ZNF845: variants seen among roughly 807,000 people sequenced by gnomAD.
ZNF845 encodes zinc finger protein 845.
In ZNF845, 59 loss-of-function variants were observed where a neutral mutation model predicts 76.1. The ratio of observed to expected loss-of-function variants is 0.78; its 90% CI spans 0.63 to 0.96. The LOEUF (loss-of-function observed/expected upper bound fraction) is 0.96. Ranked by LOEUF, ZNF845 falls within the 40% of genes least tolerant of loss-of-function variation. ZNF845 has a pLI of 0.00. For missense variants in ZNF845, 1,045 were observed against 1,172.8 expected (o/e 0.89, Z 1.59); for synonymous variants, 361 against 386.9 (o/e 0.93, Z 0.78).
chr19:53,351,033 A>G lies in ZNF845; in HGVS notation c.358A>G (p.Thr120Ala). Residue 120 changes from threonine (T) to alanine (A), a missense_variant, in exon 4 of 4, where the codon ACG becomes GCG. Transcript: ENST00000458035. ...ACCCATGACAGAAATCAAACAGTTG[A>G]CGGGTAGTACAAACCGACATGATCA... ...EAPMTEIKQL[T>A]GSTNRHDQRH... 1.2e-6 allele frequency: 2 copies of G among 1,614,190 alleles called. No individual in the cohort carries two copies. The highest frequency in any genetic ancestry group is 1.7e-6 in the Non-Finnish European group (2 of 1,180,024).
chr19:53,339,022 C>T (rs1383585506), intron 1 of ZNF845, among the ~76,000 whole-genome samples: 1 of 152,004 alleles, frequency 6.6e-6, no homozygotes, highest in Non-Finnish European at 1.5e-5. Context: ...ATGGCTCGAA[C>T]CTGGGAGGCA....
At position 53,353,854 on chromosome 19, in the gene ZNF845, T is replaced by C; in HGVS notation, c.*266T>C. The C allele has an allele frequency of 7.7e-7, 1 of 1,291,644 alleles. No homozygotes were observed. The highest frequency in any genetic ancestry group is 1.1e-6 in the Non-Finnish European group (1 of 939,578). The allele number at this position is 1,291,644 out of a possible 1,614,324, so 80.0% of individuals were successfully genotyped here. A position where few individuals can be genotyped will look rare whatever the true frequency, so the allele number is the denominator to read the frequency against. ...GGAAACTTTACTAATGTAATGATTA[T>C]CACAAAGTCTTCAGTAACACTACAA... is the stretch of plus-strand genomic sequence containing the variant. On this transcript the variant is annotated 3_prime_UTR_variant, in exon 4 of 4. Transcript: ENST00000458035.
At position 53,355,663 on chromosome 19, in the gene ZNF845, T is replaced by C. The variant is rs772757492; in HGVS notation, c.*2075T>C. On this transcript the variant is annotated 3_prime_UTR_variant, in exon 4 of 4. Coordinates refer to ENST00000458035, the MANE Select transcript of ZNF845 (RefSeq NM_138374.3). ...TTTATTTCTTTTGCTATTTAATTGC[T>C]CTGCCTAGGACAGCCAGTATTTATT... is the stretch of plus-strand genomic sequence containing the variant. The C allele has an allele frequency of 2.0e-5, 3 of 152,212 alleles. No homozygotes were observed. Among genetic ancestry groups the C allele is most frequent in the Non-Finnish European group, 2.9e-5 (2 of 68,038 alleles). The allele number at this position is 152,212 out of a possible 1,614,324, so 9.4% of individuals were successfully genotyped here.
At chr19:53,346,537 C>T (rs1421674874) in intron 3 of ZNF845, among the ~76,000 whole-genome samples, 2 of 152,158 alleles carry the variant, frequency 1.3e-5, no homozygotes, top group Non-Finnish European at 2.9e-5. Flanking sequence ...AAAAATTAGC[C>T]AGACACGATG....
intron 2 of ZNF845, among the ~76,000 whole-genome samples, chr19:53,342,007 G>C (rs1042979714): frequency 3.3e-5 from 5 of 151,940 alleles, no homozygotes; most frequent in African/African-American, 1.2e-4. Flanking sequence ...GGTGTTTTCA[G>C]GAAAAATGGT....
At chr19:53,341,203 T>C (rs994224955) in intron 1 of ZNF845, 32 bp from the exon 2 acceptor site, 6 of 1,520,646 alleles carry the variant, frequency 3.9e-6, no homozygotes, top group African/African-American at 2.7e-5. Flanking sequence ...GTGTTGATTC[T>C]GAGCAATAAA....
rs767849535 is a variant in ZNF845 at position 53,351,482 on chromosome 19, A to G, written c.807A>G (p.Lys269=). The change falls in exon 4 of 4, where the codon AAA becomes AAG. Residue 269 remains lysine (K), a synonymous_variant. Transcript: ENST00000458035. Reference sequence around the variant, plus strand: ...ATCGTAGATGTCACACTGGCAAGAAACCTTACAAGTGTAATGATTGTGGCA... The same window carrying G: ...ATCGTAGATGTCACACTGGCAAGAAGCCTTACAAGTGTAATGATTGTGGCA... ...ACHRRCHTGK[K]PYKCNDCGKT... The G allele has an allele frequency of 1.9e-6, 3 of 1,614,242 alleles. No homozygotes were observed. The South Asian group carries it at 3.3e-5, about 18-fold the overall frequency.
intron 1 of ZNF845, chr19:53,340,680 T>C (rs2085249816): frequency 1.2e-5 from 3 of 245,344 alleles, no homozygotes; most frequent in Admixed American, 5.5e-5. Flanking sequence ...TTACTCACAA[T>C]GGGTGAAGAA....
chr19:53,340,197 G>C (rs1399945093), intron 1 of ZNF845, among the ~76,000 whole-genome samples: 1 of 152,196 alleles, frequency 6.6e-6, no homozygotes, highest in Non-Finnish European at 1.5e-5. Context: ...GATTACAGGC[G>C]TGTGCTACCA....
chr19:53,334,304 C>A (rs901253886), intron 1 of ZNF845, among the ~76,000 whole-genome samples: 2 of 152,112 alleles, frequency 1.3e-5, no homozygotes, highest in Admixed American at 1.3e-4. Context: ...AAAATGCGCT[C>A]CTCCGGGATG....
Position 53,351,603 on chromosome 19 carries a change from C to G in ZNF845, c.928C>G (p.Arg310Gly), listed in dbSNP as rs372054990. 7.4e-6 allele frequency: 12 copies of G among 1,613,858 alleles called. No individual in the cohort carries two copies. The Admixed American group carries it at 1.7e-4, about 22-fold the overall frequency. Reference sequence around the variant, plus strand: ...CAGTGAGTGTGGCAAGACCTTCAGTCGAAATTCAGCCCTTGTAATTCATAA... The same window carrying G: ...CAGTGAGTGTGGCAAGACCTTCAGTGGAAATTCAGCCCTTGTAATTCATAA... ...KCSECGKTFS[R>G]NSALVIHKAI... The change falls in exon 4 of 4, where the codon CGA becomes GGA. Residue 310 changes from arginine to glycine, a missense_variant. Physicochemically the swap from Arg to Gly is moderately radical, Grantham distance 125. Transcript: ENST00000458035.
intron 3 of ZNF845, 52 bp downstream of exon 3, chr19:53,345,684 A>G (rs2085290307): frequency 6.2e-7 from 1 of 1,602,740 alleles, no homozygotes. Context: ...GTATCTTTGT[A>G]TTTTCTCTTT....
At chr19:53,337,628 G>A (rs2085224785) in intron 1 of ZNF845, among the ~76,000 whole-genome samples, 1 of 151,956 alleles carries the variant, frequency 6.6e-6, no homozygotes, top group Non-Finnish European at 1.5e-5. Flanking sequence ...GAGTGCAGTG[G>A]CGTAATCATG....
chr19:53,341,440 A>T (rs947340547), intron 2 of ZNF845, 118 bp downstream of exon 2: 1 of 1,437,676 alleles, frequency 7.0e-7, no homozygotes, highest in African/African-American at 1.4e-5. Context: ...GCTCGCACTC[A>T]CCCATGCCTT....
At chr19:53,350,665 A>T (rs2085326411) in intron 3 of ZNF845, among the ~76,000 whole-genome samples, 153 bp from the exon 4 acceptor site, 1 of 152,144 alleles carries the variant, frequency 6.6e-6, no homozygotes, top group Admixed American at 6.5e-5. Flanking sequence ...CCCTTTATTT[A>T]TTGATGAATC....
rs1568740543 is a variant in ZNF845 at position 53,351,011 on chromosome 19, C to T, written c.336C>T (p.Pro112=). Residue 112 remains proline, a synonymous_variant, in exon 4 of 4, where the codon CCC becomes CCT. Coordinates refer to ENST00000458035, the MANE Select transcript of ZNF845 (RefSeq NM_138374.3). ...KEDERNSHEA[P]MTEIKQLTGS... ...ATGAAAGAAATAGCCATGAAGCACC[C>T]ATGACAGAAATCAAACAGTTGACGG... 1 of 1,614,064 alleles carries T rather than the reference C, an allele frequency of 6.2e-7. No individual in the cohort carries two copies. Among genetic ancestry groups the T allele is most frequent in the Non-Finnish European group, 8.5e-7 (1 of 1,180,026 alleles).
Position 53,352,817 on chromosome 19 carries a change from T to A in ZNF845, c.2142T>A (p.Thr714=), listed in dbSNP as rs751055069. 6.2e-7 allele frequency: 1 copy of A among 1,614,096 alleles called. No individual in the cohort carries two copies. Among genetic ancestry groups the A allele is most frequent in the South Asian group, 1.1e-5 (1 of 91,080 alleles). Residue 714 remains threonine (T), a synonymous_variant, in exon 4 of 4, where the codon ACT becomes ACA. Coordinates refer to ENST00000458035, the MANE Select transcript of ZNF845 (RefSeq NM_138374.3). The part of the protein sequence containing the change: ...SALIIHKAIH[T]GEKPYKCNEC... ...TTATAATTCACAAGGCAATTCATAC[T>A]GGAGAGAAACCTTACAAGTGTAATG...
At chr19:53,344,831 A>T (rs1568736941) in intron 2 of ZNF845, among the ~76,000 whole-genome samples, 1 of 151,494 alleles carries the variant, frequency 6.6e-6, no homozygotes, top group Admixed American at 6.6e-5. Flanking sequence ...TAGAAACGGG[A>T]TTTCTCCATG....
In ZNF845 at chr19:53,349,015, C is replaced by G. The variant is rs185236120; in HGVS notation, c.143-1803C>G. On this transcript the variant is annotated intron_variant, in intron 3 of 3. Coordinates refer to ENST00000458035, the MANE Select transcript of ZNF845 (RefSeq NM_138374.3). The stretch of plus-strand genomic sequence containing the variant: ...GGGATTACAGGCTCCCGCCACCATG[C>G]CCAGCTAATTTTTTTTGCATTTTTA... Among the ~76,000 whole-genome samples, 481 of 151,928 alleles carry G rather than the reference C, an allele frequency of 3.2e-3. 3 individuals are homozygous for G. The highest frequency in any genetic ancestry group is 5.5e-3 in the Non-Finnish European group (376 of 67,954).
Sources: gnomAD v4.1 joint callset for allele counts (sites outside exome capture counted in the v4.1 genomes callset) on GRCh38, gnomAD v4.1.1 for gene constraint, MANE v1.5 for transcripts, NCBI Gene and HGNC (gene_info 2026-07-23, HGNC 2026-07-21) for gene names.